The following NALF1 variants were observed in gnomAD, a reference collection of about 807,000 sequenced individuals.
The protein encoded by NALF1 is NALCN channel auxiliary factor 1.
A neutral mutation model predicts 48.4 loss-of-function variants in NALF1; 3 were observed. The ratio of observed to expected loss-of-function variants is 0.06; its 90% CI spans 0.03 to 0.16. The LOEUF is 0.16. Among genes scored for constraint, NALF1 ranks in the 10% least tolerant of loss-of-function variants. The pLI is 1.00. For synonymous variants in NALF1, 262 were observed against 245.7 expected, an observed-to-expected ratio of 1.07 and a Z score of -0.62; for missense variants, 526 against 571.5, an observed-to-expected ratio of 0.92 and a Z score of 0.81.
At chr13:107,282,991 A>C (rs958632890) in intron 1 of NALF1, among the ~76,000 whole-genome samples, 5 of 152,268 alleles carry the variant, frequency 3.3e-5, no homozygotes, top group Admixed American at 1.3e-4. Context: ...TACACACTGT[A>C]GAAAAACTTC....
chr13:107,180,796 T>C (rs1230218206), intron 2 of NALF1, among the ~76,000 whole-genome samples: 1 of 151,810 alleles, frequency 6.6e-6, no homozygotes, highest in African/African-American at 2.4e-5. Flanking sequence ...TAGTGATAGT[T>C]TTAGAAAGAG....
chr13:107,837,474 T>C (rs1244817466), intron 1 of NALF1, among the ~76,000 whole-genome samples: 1 of 152,138 alleles, frequency 6.6e-6, no homozygotes, highest in African/African-American at 2.4e-5. Context: ...CACCTCCCAC[T>C]ATCAGATGAA....
At chr13:107,368,308 A>G (rs1487813022) in intron 1 of NALF1, among the ~76,000 whole-genome samples, 1 of 144,738 alleles carries the variant, frequency 6.9e-6, no homozygotes, top group African/African-American at 2.5e-5. Flanking sequence ...GCAAAGATAA[A>G]TCACATAAAT....
At chr13:107,319,317 T>C (rs1207381811) in intron 1 of NALF1, among the ~76,000 whole-genome samples, 1 of 151,968 alleles carries the variant, frequency 6.6e-6, no homozygotes, top group Non-Finnish European at 1.5e-5. Context: ...TATTGGAAGA[T>C]CACTCAGCCA....
At chr13:107,300,936 A>C (rs1043943693) in intron 1 of NALF1, among the ~76,000 whole-genome samples, 4 of 152,236 alleles carry the variant, frequency 2.6e-5, no homozygotes, top group Non-Finnish European at 4.4e-5. Flanking sequence ...AAATACATTA[A>C]ATTCACATTA....
At chr13:107,193,173 C>A (rs866781933) in intron 2 of NALF1, among the ~76,000 whole-genome samples, 1 of 151,718 alleles carries the variant, frequency 6.6e-6, no homozygotes, top group Admixed American at 6.6e-5. Flanking sequence ...GGCTTATCTG[C>A]ACTTACTAAA....
intron 1 of NALF1, among the ~76,000 whole-genome samples, chr13:107,418,064 A>T (rs1884121539): frequency 6.6e-6 from 1 of 152,192 alleles, no homozygotes; most frequent in South Asian, 2.1e-4. Context: ...TGTGTCTCAA[A>T]ATAAATAAAT....
chr13:107,405,587 T>C (rs186261069), intron 1 of NALF1, among the ~76,000 whole-genome samples: 80 of 152,168 alleles, frequency 5.3e-4, no homozygotes, highest in Non-Finnish European at 8.7e-4. Context: ...TTAAAAATTG[T>C]GATCTACATT....
intron 1 of NALF1, among the ~76,000 whole-genome samples, chr13:107,668,381 C>G (rs1266195523): frequency 2.6e-5 from 4 of 151,938 alleles, no homozygotes; most frequent in Middle Eastern, 3.4e-3. Flanking sequence ...CTCCTGTTGT[C>G]CTGCTTGTGG....
intron 1 of NALF1, among the ~76,000 whole-genome samples, chr13:107,368,472 C>T (rs1249426885): frequency 6.6e-6 from 1 of 152,042 alleles, no homozygotes; most frequent in Non-Finnish European, 1.5e-5. Context: ...TCTTACAGCT[C>T]TGGAAAAAGC....
intron 1 of NALF1, among the ~76,000 whole-genome samples, chr13:107,289,737 C>A (rs868095852): frequency 6.6e-6 from 1 of 152,124 alleles, no homozygotes; most frequent in African/African-American, 2.4e-5. Context: ...GGGGATAAAA[C>A]GAGCTATTTC....
At chr13:107,194,494 T>C (rs1265364769) in intron 2 of NALF1, among the ~76,000 whole-genome samples, 1 of 152,190 alleles carries the variant, frequency 6.6e-6, no homozygotes, top group Non-Finnish European at 1.5e-5. Context: ...ATTCAATAAC[T>C]GGTGTTGAGA....
intron 1 of NALF1, among the ~76,000 whole-genome samples, chr13:107,726,721 T>A (rs564437590): frequency 6.6e-6 from 1 of 150,956 alleles, no homozygotes; most frequent in African/African-American, 2.4e-5. Flanking sequence ...GTGATTCTCC[T>A]ACCTCAGCCC....
At position 107,866,089 on chromosome 13, in the gene NALF1, T is replaced by G. The variant is rs778836726; in HGVS notation, c.508A>C (p.Thr170Pro). The change falls in exon 1 of 3, where the codon ACT becomes CCT. Residue 170 changes from threonine to proline, a missense_variant. Transcript: ENST00000375915. The surrounding 1 kb of genome is among the most constrained non-coding windows in gnomAD (Gnocchi z 4.4). Reference protein sequence around the residue: ...NSAKPVWRLETCYPQGASSGQ... With the variant: ...NSAKPVWRLEPCYPQGASSGQ... ...GAGGACGCGCCCTGGGGGTAACAAG[T>G]CTCCAGGCGCCACACGGGCTTGGCA... The G allele has an allele frequency of 2.5e-6, 4 of 1,612,760 alleles. No homozygotes were observed. The highest frequency in any genetic ancestry group is 1.7e-5 in the Admixed American group (1 of 60,000).
At chr13:107,403,592 A>T (rs1453555047) in intron 1 of NALF1, among the ~76,000 whole-genome samples, 2 of 152,000 alleles carry the variant, frequency 1.3e-5, no homozygotes, top group African/African-American at 4.8e-5. Context: ...GTTCAATATG[A>T]TACTTATGCA....
intron 1 of NALF1, among the ~76,000 whole-genome samples, chr13:107,699,785 A>C (rs1881778457): frequency 6.6e-6 from 1 of 152,070 alleles, no homozygotes; most frequent in Non-Finnish European, 1.5e-5. Flanking sequence ...TACTCCACAC[A>C]CAAAAAAACT....
intron 1 of NALF1, among the ~76,000 whole-genome samples, chr13:107,459,672 G>T (rs976172344): frequency 6.6e-6 from 1 of 152,126 alleles, no homozygotes; most frequent in African/African-American, 2.4e-5. Context: ...CTCCTGGAGC[G>T]AAAGTAAGTA....
intron 1 of NALF1, among the ~76,000 whole-genome samples, chr13:107,339,388 T>C (rs986923067): frequency 6.6e-6 from 1 of 152,100 alleles, no homozygotes; most frequent in Non-Finnish European, 1.5e-5. Context: ...CATGATTTAA[T>C]GCACGTGTGA....
intron 1 of NALF1, among the ~76,000 whole-genome samples, chr13:107,352,679 T>G (rs1426888667): frequency 6.6e-6 from 1 of 152,192 alleles, no homozygotes; most frequent in Non-Finnish European, 1.5e-5. Flanking sequence ...CCCCACGTTC[T>G]AATGCCATTA....
Sources: gnomAD v4.1 joint callset for allele counts (sites outside exome capture counted in the v4.1 genomes callset) on GRCh38, gnomAD v4.1.1 for gene constraint, Gnocchi (gnomAD v3.1) non-coding constraint, MANE v1.5 for transcripts, NCBI Gene and HGNC (gene_info 2026-07-23, HGNC 2026-07-21) for gene names.